Variants in IGF2BP2 observed in about 807,000 individuals in gnomAD.
IGF2BP2 encodes insulin-like growth factor 2 mRNA-binding protein 2.
In IGF2BP2, 17 loss-of-function variants were observed where a neutral mutation model predicts 75.8. The ratio of observed to expected loss-of-function variants is 0.22; its 90% CI spans 0.15 to 0.34. The LOEUF (loss-of-function observed/expected upper bound fraction) is 0.34. Among genes scored for constraint, IGF2BP2 ranks in the 10% least tolerant of loss-of-function variants. The pLI is 1.00. For missense variants in IGF2BP2, 516 were observed against 772.4 expected, an observed-to-expected ratio of 0.67 and a Z score of 3.93; for synonymous variants, 288 against 295.6, an observed-to-expected ratio of 0.97 and a Z score of 0.26.
At chr3:185,786,060 G>A (rs546797505) in intron 2 of IGF2BP2, among the ~76,000 whole-genome samples, 1 of 150,610 alleles carries the variant, frequency 6.6e-6, no homozygotes, top group Non-Finnish European at 1.5e-5. Flanking sequence ...TTTCATTATC[G>A]CTCCCCTAAT....
intron 2 of IGF2BP2, among the ~76,000 whole-genome samples, chr3:185,803,299 C>T (rs1393398996): frequency 2.0e-5 from 3 of 152,064 alleles, no homozygotes; most frequent in African/African-American, 4.8e-5. Flanking sequence ...TGCAGTGAGC[C>T]GAGATCATGC....
intron 2 of IGF2BP2, among the ~76,000 whole-genome samples, chr3:185,750,310 C>A (rs886437085): frequency 6.6e-6 from 1 of 152,176 alleles, no homozygotes; most frequent in Non-Finnish European, 1.5e-5. Flanking sequence ...TGCCTTGACA[C>A]TGGGAATTTA....
intron 13 of IGF2BP2, among the ~76,000 whole-genome samples, chr3:185,649,933 T>C (rs1396735062): frequency 1.3e-5 from 2 of 152,236 alleles, no homozygotes; most frequent in African/African-American, 2.4e-5. Context: ...CACAGGGTCA[T>C]ACCCCTGGTT....
In IGF2BP2 at chr3:185,742,232, G is replaced by A. The variant is rs187245255; in HGVS notation, c.240-43885C>T. ...TAGCCGGCCAGGCACAGTGGCTCAC[G>A]CCTGTAATCCTAGCACTTTCAGAGG... On this transcript the variant is annotated intron_variant, in intron 2 of 15. Transcript: ENST00000382199. Among the ~76,000 whole-genome samples, 296 of 150,528 alleles carry A rather than the reference G, an allele frequency of 2.0e-3. 2 individuals carry two copies. The highest frequency in any genetic ancestry group is 7.0e-3 in the African/African-American group (285 of 40,942).
chr3:185,759,826 C>T (rs560043703), intron 2 of IGF2BP2, among the ~76,000 whole-genome samples: 62 of 152,098 alleles, frequency 4.1e-4, no homozygotes, highest in Non-Finnish European at 8.4e-4. Flanking sequence ...TAGTTAACAG[C>T]GAAAGATAAT....
At chr3:185,786,904 T>G (rs1735967544) in intron 2 of IGF2BP2, among the ~76,000 whole-genome samples, 1 of 152,204 alleles carries the variant, frequency 6.6e-6, no homozygotes, top group Non-Finnish European at 1.5e-5. Flanking sequence ...ACATACTGCC[T>G]CTAAGGCATA....
At chr3:185,720,273 G>A (rs1311296700) in intron 2 of IGF2BP2, among the ~76,000 whole-genome samples, 1 of 152,150 alleles carries the variant, frequency 6.6e-6, no homozygotes, top group African/African-American at 2.4e-5. Flanking sequence ...GGGAGATAAA[G>A]CAATCTGTAG....
intron 2 of IGF2BP2, among the ~76,000 whole-genome samples, chr3:185,771,334 G>T (rs978591347): frequency 1.4e-5 from 2 of 138,692 alleles, no homozygotes; most frequent in Non-Finnish European, 3.1e-5. Context: ...CCAGCTACTT[G>T]GGTGGCTGAG....
chr3:185,776,800 G>C (rs546050841), intron 2 of IGF2BP2, among the ~76,000 whole-genome samples: 1 of 152,124 alleles, frequency 6.6e-6, no homozygotes, highest in African/African-American at 2.4e-5. Flanking sequence ...CATCTTCATC[G>C]GTCTTGTCAA....
At chr3:185,817,408 A>T (rs1740750794) in intron 2 of IGF2BP2, among the ~76,000 whole-genome samples, 1 of 152,214 alleles carries the variant, frequency 6.6e-6, no homozygotes, top group Admixed American at 6.5e-5. Context: ...AACCAAATTA[A>T]AGAAATAATT....
chr3:185,783,856 T>C (rs546020266), intron 2 of IGF2BP2, among the ~76,000 whole-genome samples: 2 of 152,296 alleles, frequency 1.3e-5, no homozygotes, highest in South Asian at 4.1e-4. Context: ...AAACATATAG[T>C]AGAGTACCTT....
chr3:185,646,928 A>G, intron 15 of IGF2BP2, 97 bp downstream of exon 15: 1 of 872,836 alleles, frequency 1.1e-6, no homozygotes, highest in East Asian at 2.4e-5. Flanking sequence ...GCGTGGATTG[A>G]TGCTCAGGGC....
chr3:185,705,380 C>T (rs923323725), intron 2 of IGF2BP2, among the ~76,000 whole-genome samples: 6 of 152,204 alleles, frequency 3.9e-5, no homozygotes, highest in African/African-American at 1.2e-4. Context: ...CAGGCATGAG[C>T]CACTGTGCCC....
chr3:185,814,071 A>G (rs1234346205), intron 2 of IGF2BP2: 1 of 152,242 alleles, frequency 6.6e-6, no homozygotes, highest in Non-Finnish European at 1.5e-5. Context: ...TCCACACACT[A>G]TCAGTGAGGA....
intron 2 of IGF2BP2, among the ~76,000 whole-genome samples, chr3:185,748,212 C>T (rs753629256): frequency 1.3e-5 from 2 of 152,152 alleles, no homozygotes; most frequent in Admixed American, 6.5e-5. Context: ...CCACCTATCA[C>T]TTTTTAAAGG....
At chr3:185,741,434 T>C (rs972410496) in intron 2 of IGF2BP2, among the ~76,000 whole-genome samples, 1 of 152,226 alleles carries the variant, frequency 6.6e-6, no homozygotes, top group African/African-American at 2.4e-5. Flanking sequence ...TTCAGATTCA[T>C]TTCTTTCCTA....
At chr3:185,689,124 G>A (rs1038495754) in intron 6 of IGF2BP2, 13 of 545,662 alleles carry the variant, frequency 2.4e-5, no homozygotes, top group South Asian at 1.2e-4. Flanking sequence ...AGTCCTGGCT[G>A]TGAGGTTATC....
At position 185,747,879 on chromosome 3, in the gene IGF2BP2, G is replaced by A. The variant is rs143445484; in HGVS notation, c.240-49532C>T. 4.7e-3 allele frequency among the ~76,000 whole-genome samples: 629 copies of A among 132,476 alleles called. 6 individuals are homozygous for A. Among genetic ancestry groups the A allele is most frequent in the Admixed American group, 0.027 (378 of 13,786 alleles). The allele number at this position is 132,476 out of a possible 152,430, so 86.9% of individuals were successfully genotyped here. On this transcript the variant is annotated intron_variant, in intron 2 of 15. Coordinates refer to ENST00000382199, the MANE Select transcript of IGF2BP2 (RefSeq NM_006548.6). Reference sequence around the variant, plus strand: ...ATTTTATTTTATTTTATTTTGAGACGGAGTCTCGCTCTGTTGCCCCGGCTG... The same window carrying A: ...ATTTTATTTTATTTTATTTTGAGACAGAGTCTCGCTCTGTTGCCCCGGCTG...
At chr3:185,706,869 T>C (rs2149396722) in intron 2 of IGF2BP2, among the ~76,000 whole-genome samples, 1 of 151,282 alleles carries the variant, frequency 6.6e-6, no homozygotes, top group African/African-American at 2.4e-5. Context: ...GCCTCCCGAG[T>C]AGCTGGGATG....
Sources: gnomAD v4.1 joint callset for allele counts (sites outside exome capture counted in the v4.1 genomes callset) on GRCh38, gnomAD v4.1.1 for gene constraint, MANE v1.5 for transcripts, NCBI Gene and HGNC (gene_info 2026-07-23, HGNC 2026-07-21) for gene names.